SPATA6: variants seen among roughly 807,000 people sequenced by gnomAD.
The protein encoded by SPATA6 is spermatogenesis-associated protein 6.
SPATA6 carries 56 observed loss-of-function variants against 65.3 expected under a neutral mutation model. The ratio of observed to expected loss-of-function variants is 0.86; its 90% CI spans 0.69 to 1.07. The LOEUF is 1.07. Among genes scored for constraint, SPATA6 ranks in the 50% least tolerant of loss-of-function variants. SPATA6 has a pLI of 0.00. For synonymous variants in SPATA6, 199 were observed against 213.2 expected, an observed-to-expected ratio of 0.93 and a Z score of 0.58; for missense variants, 590 against 594.8, an observed-to-expected ratio of 0.99 and a Z score of 0.08.
chr1:48,412,411 A>G (rs1652332541), intron 4 of SPATA6, among the ~76,000 whole-genome samples: 1 of 152,232 alleles, frequency 6.6e-6, no homozygotes, highest in African/African-American at 2.4e-5. Flanking sequence ...CAAAAACTTA[A>G]AAGTCAATTT....
chr1:48,288,802 G>A, the SPATA6 span, among the ~76,000 whole-genome samples: 1 of 152,226 alleles, frequency 6.6e-6, no homozygotes, highest in Non-Finnish European at 1.5e-5. Context: ...TGGGGGAGGG[G>A]CGCCCACCAT....
At chr1:48,385,053 C>T (rs894320361) in intron 9 of SPATA6, among the ~76,000 whole-genome samples, 5 of 152,134 alleles carry the variant, frequency 3.3e-5, no homozygotes, top group Non-Finnish European at 5.9e-5. Context: ...CTCTCTCATG[C>T]ACACACATAA....
chr1:48,329,557 C>T (rs930664334), intron 11 of SPATA6, among the ~76,000 whole-genome samples: 13 of 152,288 alleles, frequency 8.5e-5, no homozygotes, highest in African/African-American at 2.6e-4. Flanking sequence ...TACTTATATG[C>T]TTATAAATTC....
At chr1:48,421,112 T>C (rs1191739784) in intron 3 of SPATA6, among the ~76,000 whole-genome samples, 2 of 152,182 alleles carry the variant, frequency 1.3e-5, no homozygotes, top group South Asian at 2.1e-4. Flanking sequence ...GATGGACTAA[T>C]GCTGGTGATC....
At chr1:48,282,485 A>C in the SPATA6 span, among the ~76,000 whole-genome samples, 1 of 152,204 alleles carries the variant, frequency 6.6e-6, no homozygotes, top group African/African-American at 2.4e-5. Flanking sequence ...AAACAAACTT[A>C]CAAGAAAAAA....
chr1:48,332,651 G>T (rs2148734103), intron 11 of SPATA6, among the ~76,000 whole-genome samples: 1 of 152,302 alleles, frequency 6.6e-6, no homozygotes, highest in South Asian at 2.1e-4. Context: ...CCTGCTGACA[G>T]TATTAGACAG....
At chr1:48,442,580 AGAGG>A (rs1297046015) in intron 3 of SPATA6, among the ~76,000 whole-genome samples, 1 of 151,592 alleles carries the variant, frequency 6.6e-6, no homozygotes, top group Non-Finnish European at 1.5e-5. Context: ...ACAGAGACAA[AGAGG>A]GAGTCAGAGA....
intron 10 of SPATA6, among the ~76,000 whole-genome samples, chr1:48,356,979 T>C (rs1054687877): frequency 6.6e-6 from 1 of 152,156 alleles, no homozygotes; most frequent in Non-Finnish European, 1.5e-5. Context: ...TAGCAGACTT[T>C]GTTATTTGCA....
At chr1:48,302,944 A>T (rs906830977) in intron 12 of SPATA6, among the ~76,000 whole-genome samples, 1 of 151,944 alleles carries the variant, frequency 6.6e-6, no homozygotes, top group Non-Finnish European at 1.5e-5. Flanking sequence ...GTTTCTGTTA[A>T]TGGAATTTCC....
intron 11 of SPATA6, among the ~76,000 whole-genome samples, chr1:48,351,434 A>G (rs1197029176): frequency 1.3e-5 from 2 of 151,996 alleles, no homozygotes; most frequent in South Asian, 2.1e-4. Context: ...CAGTGAGCAT[A>G]ATGTTAGCTA....
At chr1:48,385,437 C>T in intron 8 of SPATA6, 88 bp from the exon 9 acceptor site, 2 of 1,174,812 alleles carry the variant, frequency 1.7e-6, no homozygotes, top group Non-Finnish European at 2.4e-6. Flanking sequence ...AATTATAATT[C>T]ACTCAGAATA....
chr1:48,287,799 A>G, the SPATA6 span, among the ~76,000 whole-genome samples: 1 of 152,324 alleles, frequency 6.6e-6, no homozygotes, highest in African/African-American at 2.4e-5. Flanking sequence ...CTTTATAACA[A>G]TGCAAAAACA....
chr1:48,364,334 G>A lies in SPATA6; in HGVS notation c.910-4564C>T, dbSNP rs1160468799. Among the ~76,000 whole-genome samples the A allele has an allele frequency of 2.6e-5, 4 of 152,192 alleles. No individual in the cohort carries two copies. The East Asian group carries it at 7.7e-4, about 29-fold the overall frequency. On this transcript the variant is annotated intron_variant, in intron 9 of 12. Coordinates refer to ENST00000371847, the MANE Select transcript of SPATA6 (RefSeq NM_019073.4). The stretch of plus-strand genomic sequence containing the variant: ...ATATACCCAGTAATGGGATGGCTGG[G>A]TCAAATGGTACTTCTAGTTCTAGAT...
intron 1 of SPATA6, among the ~76,000 whole-genome samples, chr1:48,470,264 C>G (rs12118715): frequency 6.6e-6 from 1 of 152,128 alleles, no homozygotes; most frequent in Non-Finnish European, 1.5e-5. Context: ...GTTAGGGAAG[C>G]TGCAGCCAGC....
At chr1:48,366,354 G>C (rs577966608) in intron 9 of SPATA6, among the ~76,000 whole-genome samples, 31 of 152,304 alleles carry the variant, frequency 2.0e-4, no homozygotes, top group African/African-American at 6.3e-4. Flanking sequence ...GATTGGAATA[G>C]TTTCAGAAGG....
intron 8 of SPATA6, among the ~76,000 whole-genome samples, chr1:48,387,355 A>T (rs1649585113): frequency 1.3e-5 from 2 of 152,150 alleles, no homozygotes; most frequent in Non-Finnish European, 2.9e-5. Context: ...ACGAGATGCC[A>T]TTCTGGAACC....
chr1:48,299,140 A>G (rs892416585), intron 12 of SPATA6, among the ~76,000 whole-genome samples: 3 of 152,136 alleles, frequency 2.0e-5, no homozygotes, highest in Non-Finnish European at 2.9e-5. Context: ...AAAGGAATTC[A>G]GAGAACAGAC....
chr1:48,324,743 G>A (rs868324526), intron 11 of SPATA6, among the ~76,000 whole-genome samples: 13 of 152,020 alleles, frequency 8.6e-5, no homozygotes, highest in African/African-American at 2.4e-4. Flanking sequence ...GTATCATACC[G>A]AGTCGGGAAT....
At position 48,437,800 on chromosome 1, in the gene SPATA6, TA is replaced by T. The variant is rs1421038377; in HGVS notation, c.238+13751del. Among the ~76,000 whole-genome samples the T allele has an allele frequency of 4.6e-5, 7 of 151,752 alleles. No individual in the cohort carries two copies. The South Asian group carries it at 8.3e-4, about 18-fold the overall frequency. On this transcript the variant is annotated intron_variant, in intron 3 of 12. Coordinates refer to ENST00000371847, the MANE Select transcript of SPATA6 (RefSeq NM_019073.4). ...ACAGAAATTGTAATTTGCTTTTTTT[TA>T]AAAAAGGGGGCTAAAGTAACACTTT...
Sources: gnomAD v4.1 joint callset for allele counts (sites outside exome capture counted in the v4.1 genomes callset) on GRCh38, gnomAD v4.1.1 for gene constraint, MANE v1.5 for transcripts, NCBI Gene and HGNC (gene_info 2026-07-23, HGNC 2026-07-21) for gene names.